Variants in PRMT3 observed in about 807,000 individuals in gnomAD.
PRMT3 encodes the protein protein arginine N-methyltransferase 3.
A neutral mutation model predicts 71.9 loss-of-function variants in PRMT3; 62 were observed. The ratio of observed to expected loss-of-function variants is 0.86; its 90% CI spans 0.70 to 1.07. The LOEUF (loss-of-function observed/expected upper bound fraction) is 1.07. Ranked by LOEUF, PRMT3 falls within the 50% of genes least tolerant of loss-of-function variation. PRMT3 has a pLI of 0.00. For missense variants in PRMT3, 663 were observed against 643.0 expected (o/e 1.03, Z -0.34); for synonymous variants, 213 against 220.4 (o/e 0.97, Z 0.30).
chr11:20,493,431 T>C (rs932567246), intron 13 of PRMT3, among the ~76,000 whole-genome samples: 21 of 152,334 alleles, frequency 1.4e-4, no homozygotes, highest in Middle Eastern at 3.4e-3. Flanking sequence ...CCCAAACCAT[T>C]TTTATCTGTT....
At chr11:20,394,589 A>G (rs1005389715) in intron 5 of PRMT3, among the ~76,000 whole-genome samples, 35 of 152,148 alleles carry the variant, frequency 2.3e-4, no homozygotes, top group Non-Finnish European at 4.9e-4. Context: ...CTCACATTCC[A>G]TTTTTTTATT....
At chr11:20,448,022 A>G (rs1180236786) in intron 10 of PRMT3, among the ~76,000 whole-genome samples, 2 of 152,120 alleles carry the variant, frequency 1.3e-5, no homozygotes, top group Non-Finnish European at 2.9e-5. Context: ...GTTTTACTCC[A>G]TTCCACAATT....
In PRMT3 at chr11:20,508,490, T is replaced by G. The variant is rs1851651141; in HGVS notation, c.*77T>G. On this transcript the variant is annotated 3_prime_UTR_variant, in exon 16 of 16. Transcript: ENST00000331079. ...GGTCAGCAGGAGGGAGCTGGTTTTA[T>G]GTGAGCAGATGGATGGATGATGGAC... 1 of 951,038 alleles carries G rather than the reference T, an allele frequency of 1.1e-6. No homozygotes were observed. The highest frequency in any genetic ancestry group is 1.7e-6 in the Non-Finnish European group (1 of 579,066). The allele number at this position is 951,038 out of a possible 1,614,324, so 58.9% of individuals were successfully genotyped here.
At chr11:20,487,944 GT>G (rs761440296) in intron 13 of PRMT3, among the ~76,000 whole-genome samples, 2 of 152,102 alleles carry the variant, frequency 1.3e-5, no homozygotes, top group African/African-American at 4.8e-5. Flanking sequence ...ATTACATTGT[GT>G]TTTTCAATAA....
At chr11:20,500,752 C>A (rs1485394790) in intron 15 of PRMT3, among the ~76,000 whole-genome samples, 1 of 152,176 alleles carries the variant, frequency 6.6e-6, no homozygotes, top group Non-Finnish European at 1.5e-5. Context: ...AGGTACAAAT[C>A]TAAAAGCTTA....
intron 9 of PRMT3, among the ~76,000 whole-genome samples, chr11:20,419,737 T>TA (rs1849385171): frequency 6.6e-6 from 1 of 152,196 alleles, no homozygotes; most frequent in South Asian, 2.1e-4. Flanking sequence ...TCTTTGTACT[T>TA]ACACTATCAT....
intron 2 of PRMT3, among the ~76,000 whole-genome samples, chr11:20,388,854 G>C (rs1298825347): frequency 1.3e-5 from 2 of 152,222 alleles, no homozygotes; most frequent in Non-Finnish European, 2.9e-5. Flanking sequence ...TCCTGTCCTA[G>C]GCAAGTAGGC....
chr11:20,387,780 T>C lies in PRMT3; in HGVS notation c.28+6T>C. On this transcript the variant is annotated splice_donor_region_variant and intron_variant, in intron 1 of 15. Transcript: ENST00000331079. The surrounding 1 kb of genome is among the most constrained non-coding windows in gnomAD (Gnocchi z 4.3). ...GTTAGCGTCAGGCGCTACCGGTGGG[T>C]ACCCTGGCCCCTCAGCACCCGGCTC... 3 of 1,541,688 alleles carry C rather than the reference T, an allele frequency of 1.9e-6. No homozygotes were observed. The highest frequency in any genetic ancestry group is 2.1e-4 in the Middle Eastern group (1 of 4,656).
intron 15 of PRMT3, among the ~76,000 whole-genome samples, chr11:20,494,806 A>G (rs141597601): frequency 6.6e-6 from 1 of 152,350 alleles, no homozygotes; most frequent in African/African-American, 2.4e-5. Flanking sequence ...GTATCACAAA[A>G]TAATTCAGAA....
At chr11:20,404,228 TTTTTTTTTTTTTTTTTTTTTTTTTG>T (rs1849019379) in intron 8 of PRMT3, among the ~76,000 whole-genome samples, 1 of 101,844 alleles carries the variant, frequency 9.8e-6, no homozygotes, top group African/African-American at 3.9e-5. Flanking sequence ...TTTTTTTTTT[TTTTTTTTTTTTTTTTTTTTTTTTTG>T]AGACAGAGTC....
intron 9 of PRMT3, among the ~76,000 whole-genome samples, chr11:20,420,475 G>T (rs1391194457): frequency 6.6e-6 from 1 of 152,164 alleles, no homozygotes; most frequent in Non-Finnish European, 1.5e-5. Context: ...GTGAGCAGTG[G>T]GTGAGTGAAC....
chr11:20,460,406 C>G (rs73449287), intron 11 of PRMT3, among the ~76,000 whole-genome samples: 8,859 of 152,114 alleles, frequency 0.058, 804 homozygotes, highest in African/African-American at 0.2. Context: ...TATTTCTTTA[C>G]TTGTTATTAG....
chr11:20,429,154 T>G (rs1395220999), intron 10 of PRMT3, among the ~76,000 whole-genome samples: 1 of 152,214 alleles, frequency 6.6e-6, no homozygotes, highest in Non-Finnish European at 1.5e-5. Context: ...AGGGTCCAGT[T>G]TCATGGAAGA....
intron 7 of PRMT3, among the ~76,000 whole-genome samples, chr11:20,398,416 T>C (rs1848877807): frequency 6.6e-6 from 1 of 152,190 alleles, no homozygotes; most frequent in African/African-American, 2.4e-5. Context: ...TCAGTCAGAC[T>C]GGTGTGATGG....
intron 13 of PRMT3, among the ~76,000 whole-genome samples, chr11:20,471,260 T>C (rs1225814904): frequency 2.0e-5 from 3 of 152,240 alleles, no homozygotes; most frequent in Non-Finnish European, 4.4e-5. Context: ...TTGCAAGTGC[T>C]TTTGGCATTT....
intron 13 of PRMT3, among the ~76,000 whole-genome samples, chr11:20,491,615 T>C (rs1851208546): frequency 6.6e-6 from 1 of 152,220 alleles, no homozygotes; most frequent in Admixed American, 6.5e-5. Context: ...TACGGATTAG[T>C]CTGAGACTTT....
At chr11:20,441,779 T>G in intron 10 of PRMT3, among the ~76,000 whole-genome samples, 1 of 150,188 alleles carries the variant, frequency 6.7e-6, no homozygotes, top group East Asian at 1.9e-4. Flanking sequence ...CTACCTACAA[T>G]AGTTTCAGGT....
chr11:20,409,458 G>T (rs1849145570), intron 9 of PRMT3, among the ~76,000 whole-genome samples: 1 of 152,120 alleles, frequency 6.6e-6, no homozygotes, highest in African/African-American at 2.4e-5. Flanking sequence ...AATATTTTGA[G>T]GTGCATAAGT....
At chr11:20,417,238 T>G (rs961616251) in intron 9 of PRMT3, among the ~76,000 whole-genome samples, 10 of 152,184 alleles carry the variant, frequency 6.6e-5, no homozygotes, top group African/African-American at 9.7e-5. Context: ...GTCTTACATT[T>G]TACGTTATTG....
Sources: allele counts gnomAD v4.1 joint callset (sites outside exome capture counted in the v4.1 genomes callset), GRCh38; gene constraint gnomAD v4.1.1; non-coding constraint Gnocchi (gnomAD v3.1); transcripts MANE v1.5; gene names NCBI Gene and HGNC (gene_info 2026-07-23, HGNC 2026-07-21).